The following DHX36 variants were observed in gnomAD, a reference collection of about 807,000 sequenced individuals.
The protein encoded by DHX36 is ATP-dependent DNA/RNA helicase DHX36.
DHX36 carries 50 observed loss-of-function variants against 139.0 expected under a neutral mutation model. The observed-to-expected ratio is 0.36, with a 90% CI of 0.29 to 0.46. The LOEUF is 0.46. DHX36 is among the 20% of genes least tolerant of loss of function. The probability of loss-of-function intolerance (pLI) is 1.00; values close to 1 mark genes in which losing one functional copy is unlikely to be tolerated. For missense variants in DHX36, 1,024 were observed against 1,211.3 expected (o/e 0.85, Z 2.29); for synonymous variants, 425 against 401.9 (o/e 1.06, Z -0.69).
At chr3:154,315,348 C>CAA in intron 2 of DHX36, 68 bp from the exon 3 acceptor site, 2 of 1,071,376 alleles carry the variant, frequency 1.9e-6, no homozygotes, top group Non-Finnish European at 2.7e-6. Flanking sequence ...CAAAACAAAA[C>CAA]AAAACAATAC....
At chr3:154,295,987 T>G (rs1712032470) in intron 12 of DHX36, among the ~76,000 whole-genome samples, 1 of 152,034 alleles carries the variant, frequency 6.6e-6, no homozygotes, top group Non-Finnish European at 1.5e-5. Flanking sequence ...AGGCTGGTCT[T>G]GAACTCCCAA....
intron 19 of DHX36, among the ~76,000 whole-genome samples, chr3:154,283,565 A>C (rs896921251): frequency 5.3e-5 from 8 of 152,142 alleles, no homozygotes; most frequent in Non-Finnish European, 1.2e-4. Context: ...TAATACACTA[A>C]TCAAAAAGAA....
chr3:154,321,875 C>T (rs933040209), intron 1 of DHX36, among the ~76,000 whole-genome samples: 3 of 144,284 alleles, frequency 2.1e-5, no homozygotes, highest in East Asian at 2.0e-4. Flanking sequence ...TGCAGTGAGC[C>T]GAGATCACAC....
chr3:154,276,772 G>C lies in DHX36; in HGVS notation c.2816C>G (p.Pro939Arg). 1 of 1,613,742 alleles carries C rather than the reference G, an allele frequency of 6.2e-7. No homozygotes were observed. Among genetic ancestry groups the C allele is most frequent in the Non-Finnish European group, 8.5e-7 (1 of 1,179,908 alleles). ...CTTAACAAGATGGGCAATTCTTGCT[G>C]GAGACTGAAATACAATCCACTCATC... is the stretch of plus-strand genomic sequence containing the variant. ...AVDEWIVFQS[P>R]ARIAHLVKEL... Residue 939 changes from proline to arginine, a missense_variant, in exon 24 of 25, where the codon CCA (proline) becomes CGA (arginine). Physicochemically the swap from Pro to Arg is moderately radical, Grantham distance 103. This residue lies in a region of DHX36 where 470 missense variants were observed against 616.2 expected (regional missense o/e 0.76). Transcript: ENST00000496811.
In DHX36 at chr3:154,289,958, C is replaced by T. The variant is rs112746972; in HGVS notation, c.1815-132G>A. ...TACATGCCACATAATAGCTAATGTACGTAATTATTTTTTCCTTTTTATGAA... is the reference window on the plus strand; with the variant it reads ...TACATGCCACATAATAGCTAATGTATGTAATTATTTTTTCCTTTTTATGAA... On this transcript the variant is annotated intron_variant, in intron 15 of 24. Transcript: ENST00000496811. 3.1e-4 allele frequency: 173 copies of T among 556,714 alleles called. 4 individuals carry two copies. The highest frequency in any genetic ancestry group is 2.6e-3 in the South Asian group (89 of 34,444). 34.5% of individuals were successfully genotyped at this position (556,714 alleles called of 1,614,324 possible).
chr3:154,316,080 CTCTT>C lies in DHX36; in HGVS notation c.323_326del (p.Lys108SerfsTer39). On this transcript the variant is annotated frameshift_variant, in exon 2 of 25. Transcript: ENST00000496811. LOFTEE classifies it high-confidence loss of function. ...CAAACCAGGATATCTGTGCTTCTGACTCTTTATCATTCTTCGCTTGAACAGAATT... is the reference window on the plus strand; with the variant it reads ...CAAACCAGGATATCTGTGCTTCTGACTATCATTCTTCGCTTGAACAGAATT... 6.2e-7 allele frequency: 1 copy of C among 1,613,290 alleles called. No homozygotes were observed. Among genetic ancestry groups the C allele is most frequent in the South Asian group, 1.1e-5 (1 of 91,026 alleles).
In DHX36 at chr3:154,284,914, A is replaced by G. The variant is rs1168794447; in HGVS notation, c.2105T>C (p.Ile702Thr). Reference protein sequence around the residue: ...HLARLPVEPHIGKMILFGALF... With the variant: ...HLARLPVEPHTGKMILFGALF... The stretch of plus-strand genomic sequence containing the variant: ...TGCTCCAAAAAGAATCATTTTTCCA[A>G]TATGTGGCTCAACGGGTAATCGTGC... Residue 702 changes from isoleucine (I) to threonine (T), a missense_variant, in exon 18 of 25, where the codon ATT becomes ACT. Around this residue, in one of 4 missense-constraint regions of DHX36, gnomAD observed 470 missense variants for 616.2 expected, o/e 0.76. Transcript: ENST00000496811. 8 of 1,614,042 alleles carry G rather than the reference A, an allele frequency of 5.0e-6. No individual in the cohort carries two copies. Among genetic ancestry groups the G allele is most frequent in the African/African-American group, 1.3e-5 (1 of 74,914 alleles).
intron 22 of DHX36, 105 bp downstream of exon 22, chr3:154,280,474 C>T (rs1719296865): frequency 1.3e-6 from 1 of 796,762 alleles, no homozygotes; most frequent in African/African-American, 1.7e-5. Context: ...ATATAACCCA[C>T]ATATGAATAA....
chr3:154,296,075 T>G (rs2108347587), intron 12 of DHX36, among the ~76,000 whole-genome samples: 1 of 152,290 alleles, frequency 6.6e-6, no homozygotes, highest in African/African-American at 2.4e-5. Flanking sequence ...CACCTGGCAA[T>G]CCTCACTATT....
rs769359215 is a variant in DHX36 at position 154,280,614 on chromosome 3, A to T, written c.2532T>A (p.Ala844=). 4.3e-6 allele frequency: 7 copies of T among 1,612,870 alleles called. No individual in the cohort carries two copies. The highest frequency in any genetic ancestry group is 5.9e-6 in the Non-Finnish European group (7 of 1,179,580). The change falls in exon 22 of 25, where the codon GCT becomes GCA. Residue 844 remains alanine, a synonymous_variant. Transcript: ENST00000496811. The part of the protein sequence containing the change: ...VICAGLYPKV[A]KIRLNLGKKR... Reference sequence around the variant, plus strand: ...TTTTACCCAAATTTAGTCGAATTTTAGCAACTTTGGGATATAAACCAGCAC... The same window carrying T: ...TTTTACCCAAATTTAGTCGAATTTTTGCAACTTTGGGATATAAACCAGCAC...
intron 22 of DHX36, chr3:154,279,197 G>A (rs1336742943): frequency 6.6e-6 from 1 of 152,070 alleles, no homozygotes; most frequent in Non-Finnish European, 1.5e-5. Context: ...TATATTTGGG[G>A]CTCTATAATT....
At chr3:154,304,747 A>C in intron 8 of DHX36, 59 bp downstream of exon 8, 2 of 1,322,938 alleles carry the variant, frequency 1.5e-6, no homozygotes, top group East Asian at 4.9e-5. Flanking sequence ...TACCATATTA[A>C]TTTTTTTAAT....
At chr3:154,289,590 T>C in intron 16 of DHX36, 119 bp downstream of exon 16, 1 of 673,436 alleles carries the variant, frequency 1.5e-6, no homozygotes, top group Non-Finnish European at 2.6e-6. Context: ...AATGCACACA[T>C]GAAATAAATT....
intron 16 of DHX36, 127 bp from the exon 17 acceptor site, chr3:154,289,091 A>T (rs892241040): frequency 2.4e-5 from 10 of 417,990 alleles, no homozygotes; most frequent in African/African-American, 2.1e-4. Flanking sequence ...TATTTTACCA[A>T]AATGAATTAA....
rs111899954 is a variant in DHX36, at chr3:154,290,378, G to C, written c.1815-552C>G. ...AGGCCGGGCGCGATGGCTCACACCA[G>C]TAATCCCAGCACTCTGGGACGCCGA... On this transcript the variant is annotated intron_variant, in intron 15 of 24. Transcript: ENST00000496811. Among the ~76,000 whole-genome samples the C allele has an allele frequency of 1.7e-3, 258 of 152,178 alleles. 2 individuals carry two copies. The highest frequency in any genetic ancestry group is 6.0e-3 in the African/African-American group (248 of 41,536).
At chr3:154,301,904 G>A (rs542507336) in intron 9 of DHX36, among the ~76,000 whole-genome samples, 1 of 151,974 alleles carries the variant, frequency 6.6e-6, no homozygotes. Flanking sequence ...TAGATGGAAT[G>A]GGGGAGGGGC....
rs1269513046 is a variant in DHX36, at chr3:154,314,091, GA to G, written c.603+954del. Among the ~76,000 whole-genome samples, 4 of 152,152 alleles carry G rather than the reference GA, an allele frequency of 2.6e-5. No homozygotes were observed. The East Asian group carries it at 7.7e-4, about 29-fold the overall frequency. On this transcript the variant is annotated intron_variant, in intron 3 of 24. Transcript: ENST00000496811. ...TTCTGTCCATCATATACAGCAAAGA[GA>G]AAGACACTAATTCCTCCTGTTAAGG...
chr3:154,282,846 G>C (rs1372334225), intron 20 of DHX36, among the ~76,000 whole-genome samples: 1 of 152,154 alleles, frequency 6.6e-6, no homozygotes, highest in Non-Finnish European at 1.5e-5. Flanking sequence ...TACTAAACCA[G>C]AAAACTTACA....
At chr3:154,279,779 T>C in intron 22 of DHX36, 1 of 152,206 alleles carries the variant, frequency 6.6e-6, no homozygotes, top group East Asian at 1.9e-4. Flanking sequence ...ATATCCAACT[T>C]TCATTTAACA....
Sources: gnomAD v4.1 joint callset for allele counts (sites outside exome capture counted in the v4.1 genomes callset) on GRCh38, gnomAD v4.1.1 for gene constraint, gnomAD v4.1.1 regional missense constraint, MANE v1.5 for transcripts, NCBI Gene and HGNC (gene_info 2026-07-23, HGNC 2026-07-21) for gene names.